The following SLC35F3 variants were observed in gnomAD, a reference collection of about 807,000 sequenced individuals.
SLC35F3 encodes the protein solute carrier family 35 member F3.
Under a neutral mutation model 49.9 loss-of-function variants are expected in SLC35F3, and 25 were observed. The observed-to-expected ratio is 0.50, with a 90% confidence interval of 0.37 to 0.70. The LOEUF is 0.70. SLC35F3 is among the 30% of genes least tolerant of loss of function. The probability of loss-of-function intolerance (pLI) is 0.00; values close to 1 mark genes in which losing one functional copy is unlikely to be tolerated. For synonymous variants in SLC35F3, 275 were observed against 265.4 expected (o/e 1.04, Z -0.35); for missense variants, 525 against 639.8 (o/e 0.82, Z 1.94).
chr1:234,009,850 C>G (rs1446165310), intron 2 of SLC35F3, among the ~76,000 whole-genome samples: 4 of 152,146 alleles, frequency 2.6e-5, no homozygotes, highest in African/African-American at 9.7e-5. Flanking sequence ...ATGTTATACT[C>G]AAAGTGCTGA....
intron 2 of SLC35F3, among the ~76,000 whole-genome samples, chr1:233,915,869 C>T (rs1208046431): frequency 2.0e-5 from 3 of 152,180 alleles, no homozygotes; most frequent in Non-Finnish European, 4.4e-5. Context: ...ATGGGAAAGA[C>T]CTGCCTCCAT....
chr1:234,082,709 G>A (rs1040301519), intron 2 of SLC35F3, among the ~76,000 whole-genome samples: 1 of 152,158 alleles, frequency 6.6e-6, no homozygotes, highest in African/African-American at 2.4e-5. Flanking sequence ...GGCTGGGGAG[G>A]CCTCACAATC....
chr1:233,984,556 T>A (rs539754447), intron 2 of SLC35F3, among the ~76,000 whole-genome samples: 1 of 152,354 alleles, frequency 6.6e-6, no homozygotes, highest in South Asian at 2.1e-4. Context: ...TGACTTGAAG[T>A]GAGGGCTTAC....
At chr1:234,088,561 A>C (rs1572047341) in intron 2 of SLC35F3, among the ~76,000 whole-genome samples, 1 of 152,182 alleles carries the variant, frequency 6.6e-6, no homozygotes, top group East Asian at 1.9e-4. Flanking sequence ...GTTTTTTCAG[A>C]ATCTATTGTC....
chr1:234,228,730 G>A (rs1329945316), intron 2 of SLC35F3, among the ~76,000 whole-genome samples: 1 of 152,048 alleles, frequency 6.6e-6, no homozygotes, highest in Non-Finnish European at 1.5e-5. Flanking sequence ...TGCTGAGAGG[G>A]GTGTGTGTAT....
At chr1:233,948,389 T>C (rs1056011317) in intron 2 of SLC35F3, among the ~76,000 whole-genome samples, 16 of 152,056 alleles carry the variant, frequency 1.1e-4, no homozygotes, top group African/African-American at 3.6e-4. Context: ...CCAGGAGGGA[T>C]TTCCATGTCA....
intron 2 of SLC35F3, among the ~76,000 whole-genome samples, chr1:233,958,238 A>G (rs564031289): frequency 6.6e-6 from 1 of 152,338 alleles, no homozygotes; most frequent in African/African-American, 2.4e-5. Flanking sequence ...TTCTCTGAAT[A>G]GCACTTATCA....
chr1:234,307,837 C>G (rs1439091086), intron 3 of SLC35F3, among the ~76,000 whole-genome samples: 1 of 152,130 alleles, frequency 6.6e-6, no homozygotes, highest in Admixed American at 6.5e-5. Flanking sequence ...CCTTGCCTAG[C>G]TCATCGGGCC....
intron 2 of SLC35F3, among the ~76,000 whole-genome samples, chr1:234,086,376 T>C (rs897912390): frequency 6.6e-6 from 1 of 152,232 alleles, no homozygotes; most frequent in African/African-American, 2.4e-5. Context: ...CTTTGGATCT[T>C]ACTCCATAGC....
At chr1:234,215,067 C>G (rs1667101788) in intron 2 of SLC35F3, 1 of 153,848 alleles carries the variant, frequency 6.5e-6, no homozygotes, top group South Asian at 2.1e-4. Flanking sequence ...GACGTCTGTC[C>G]TGCGTGTTCC....
At chr1:233,926,098 A>C (rs1662154917) in intron 2 of SLC35F3, among the ~76,000 whole-genome samples, 2 of 151,960 alleles carry the variant, frequency 1.3e-5, no homozygotes, top group Non-Finnish European at 2.9e-5. Context: ...GGTGAATCTG[A>C]CAGTTAGGTG....
rs1662081228 is a variant in SLC35F3 at position 233,922,510 on chromosome 1, T to A, written c.283+16752T>A. On this transcript the variant is annotated intron_variant, in intron 2 of 7. Coordinates refer to ENST00000366618, the MANE Select transcript of SLC35F3 (RefSeq NM_173508.4). ...CCTTTTTTTTTTTTTTTTTTTCTTGTAAATTTGTTTAAGTCCTTTGTAGAT... is the reference window on the plus strand; with the variant it reads ...CCTTTTTTTTTTTTTTTTTTTCTTGAAAATTTGTTTAAGTCCTTTGTAGAT... Among the ~76,000 whole-genome samples the A allele has an allele frequency of 2.1e-5, 3 of 144,630 alleles. No homozygotes were observed. In the South Asian group the frequency reaches 6.5e-4, roughly 32 times the overall value. The allele number at this position is 144,630 out of a possible 152,430, so 94.9% of individuals were successfully genotyped here.
chr1:234,075,916 A>AC (rs1252302869), intron 2 of SLC35F3, among the ~76,000 whole-genome samples: 1 of 152,220 alleles, frequency 6.6e-6, no homozygotes, highest in Non-Finnish European at 1.5e-5. Context: ...CTTGTGGATT[A>AC]CCACACCCGC....
intron 2 of SLC35F3, among the ~76,000 whole-genome samples, chr1:234,161,386 GCACTTAGAGCTACA>G: frequency 1.3e-5 from 2 of 152,106 alleles, no homozygotes; most frequent in Non-Finnish European, 2.9e-5. Context: ...ATGCTACACT[GCACTTAGAGCTACA>G]CTATGCTGCT....
intron 3 of SLC35F3, among the ~76,000 whole-genome samples, chr1:234,282,439 T>C (rs1446038359): frequency 6.6e-6 from 1 of 152,186 alleles, no homozygotes; most frequent in Non-Finnish European, 1.5e-5. Flanking sequence ...ACAGCCCCAC[T>C]CACAGTCCAG....
chr1:233,985,007 C>G (rs1028468846), intron 2 of SLC35F3, among the ~76,000 whole-genome samples: 5 of 141,928 alleles, frequency 3.5e-5, no homozygotes, highest in Admixed American at 7.5e-5. Flanking sequence ...TATTTTCATG[C>G]AGGGGTTGGG....
At chr1:233,948,088 G>C (rs1662542432) in intron 2 of SLC35F3, among the ~76,000 whole-genome samples, 1 of 149,726 alleles carries the variant, frequency 6.7e-6, no homozygotes, top group Non-Finnish European at 1.5e-5. Flanking sequence ...GCATTTCTAT[G>C]ATAGACTTGC....
chr1:233,995,091 A>G (rs1663436126), intron 2 of SLC35F3, among the ~76,000 whole-genome samples: 1 of 152,264 alleles, frequency 6.6e-6, no homozygotes, highest in African/African-American at 2.4e-5. Context: ...GCACAGCACA[A>G]TGCCAGCTAC....
chr1:233,924,222 A>G (rs984358571), intron 2 of SLC35F3, among the ~76,000 whole-genome samples: 4 of 152,138 alleles, frequency 2.6e-5, no homozygotes, highest in Non-Finnish European at 5.9e-5. Context: ...AGGAATGGTA[A>G]CAGCTCCTCT....
Sources: allele counts gnomAD v4.1 joint callset (sites outside exome capture counted in the v4.1 genomes callset), GRCh38; gene constraint gnomAD v4.1.1; transcripts MANE v1.5; gene names NCBI Gene and HGNC (gene_info 2026-07-23, HGNC 2026-07-21).